The following NDUFV2 variants were observed in gnomAD, a reference collection of about 807,000 sequenced individuals.
NDUFV2 encodes the protein NADH dehydrogenase [ubiquinone] flavoprotein 2, mitochondrial.
Under a neutral mutation model 31.6 loss-of-function variants are expected in NDUFV2, and 18 were observed. That is an observed-to-expected ratio of 0.57 (90% confidence interval 0.39 to 0.84). The LOEUF (loss-of-function observed/expected upper bound fraction) is 0.84, where lower values mean the gene tolerates loss of function less well. Among genes scored for constraint, NDUFV2 ranks in the 40% least tolerant of loss-of-function variants. The pLI, the probability that NDUFV2 is intolerant of heterozygous loss-of-function variation, is 0.00. For missense variants in NDUFV2, 314 were observed against 303.6 expected (o/e 1.03, Z -0.26); for synonymous variants, 83 against 99.8 (o/e 0.83, Z 1.01).
At chr18:9,122,826 C>A in intron 5 of NDUFV2, 145 bp downstream of exon 5, 3 of 795,684 alleles carry the variant, frequency 3.8e-6, no homozygotes, top group South Asian at 3.3e-5. Context: ...TGTGTTTCCA[C>A]ATCTTTATTT....
At chr18:9,106,001 C>G (rs538240072) in intron 1 of NDUFV2, among the ~76,000 whole-genome samples, 9 of 152,242 alleles carry the variant, frequency 5.9e-5, no homozygotes, top group Admixed American at 5.9e-4. Context: ...TGTAGAGGCT[C>G]TAGATCCTGT....
chr18:9,124,038 T>G (rs1264715646), intron 5 of NDUFV2, among the ~76,000 whole-genome samples: 1 of 152,158 alleles, frequency 6.6e-6, no homozygotes, highest in Non-Finnish European at 1.5e-5. Context: ...TTTTAGTAGT[T>G]TAATTATTAC....
intron 1 of NDUFV2, chr18:9,115,859 CA>C (rs759253640): frequency 0.01 from 1,340 of 129,498 alleles, 11 homozygotes; most frequent in African/African-American, 0.027. Flanking sequence ...ACTCCGTCTC[CA>C]AAAAAAAAAA....
intron 1 of NDUFV2, chr18:9,112,769 C>T (rs2077878144): frequency 6.6e-6 from 1 of 152,240 alleles, no homozygotes; most frequent in African/African-American, 2.4e-5. Flanking sequence ...CAGGCATGAG[C>T]CACTGTACCC....
intron 4 of NDUFV2, among the ~76,000 whole-genome samples, chr18:9,121,902 TAGA>T (rs1308775745): frequency 6.6e-6 from 1 of 152,204 alleles, no homozygotes; most frequent in African/African-American, 2.4e-5. Context: ...TGATATGAAA[TAGA>T]AGTAGTGTGC....
At chr18:9,122,742 T>C in intron 5 of NDUFV2, 61 bp downstream of exon 5, 3 of 1,562,348 alleles carry the variant, frequency 1.9e-6, no homozygotes, top group Non-Finnish European at 2.6e-6. Context: ...CTAGATTTGG[T>C]ACATTTCTAT....
At chr18:9,125,463 G>A (rs1271925305) in intron 6 of NDUFV2, among the ~76,000 whole-genome samples, 1 of 151,858 alleles carries the variant, frequency 6.6e-6, no homozygotes, top group Admixed American at 6.6e-5. Context: ...ATTTTATAGA[G>A]ATGGTATCAT....
chr18:9,105,004 C>G (rs1023618788), intron 1 of NDUFV2: 1 of 1,519,424 alleles, frequency 6.6e-7, no homozygotes, highest in African/African-American at 1.4e-5. Flanking sequence ...TGGTAGCCTG[C>G]TCTTTTGTAA....
chr18:9,104,946 C>T (rs942686355), intron 1 of NDUFV2: 1 of 1,551,376 alleles, frequency 6.4e-7, no homozygotes, highest in African/African-American at 1.3e-5. Context: ...CATAACAGAC[C>T]TTACAGACAA....
At position 9,134,283 on chromosome 18, in the gene NDUFV2, A is replaced by T. The variant is rs2078065580; in HGVS notation, c.*4A>T. ...TGGTGTACAAGCAGGCCTTTAATTT[A>T]TATTGAACTGTAAATATGTCACTAG... On this transcript the variant is annotated 3_prime_UTR_variant, in exon 8 of 8. Coordinates refer to ENST00000318388, the MANE Select transcript of NDUFV2 (RefSeq NM_021074.5). 1 of 1,595,664 alleles carries T rather than the reference A, an allele frequency of 6.3e-7. No individual in the cohort carries two copies. Among genetic ancestry groups the T allele is most frequent in the South Asian group, 1.1e-5 (1 of 90,594 alleles).
intron 1 of NDUFV2, among the ~76,000 whole-genome samples, chr18:9,105,715 CGAG>C (rs1240382665): frequency 7.9e-5 from 12 of 152,126 alleles, no homozygotes; most frequent in Admixed American, 7.9e-4. Flanking sequence ...TGGACTTAAT[CGAG>C]GAGCATGCTG....
At chr18:9,117,418 A>G (rs370327964) in intron 1 of NDUFV2, 1 of 176,476 alleles carries the variant, frequency 5.7e-6, no homozygotes, top group Non-Finnish European at 1.2e-5. Context: ...ACTCATTTGT[A>G]CAGAGTATAT....
rs1316544400 is a variant in NDUFV2, at chr18:9,122,601, A to G, written c.389A>G (p.Tyr130Cys). The G allele has an allele frequency of 6.2e-7, 1 of 1,613,958 alleles. No homozygotes were observed. Among genetic ancestry groups the G allele is most frequent in the Non-Finnish European group, 8.5e-7 (1 of 1,179,950 alleles). The change falls in exon 5 of 8, where the codon TAT becomes TGT. Residue 130 changes from tyrosine to cysteine, a missense_variant. Tyr to Cys is a radical substitution (Grantham distance 194, BLOSUM62 -2). Transcript: ENST00000318388. ...TMYNRKPVGK[Y>C]HIQVCTTTPC... ...TATAATCGAAAGCCAGTTGGAAAGT[A>G]TCACATTCAGGTCTGCACTACTACA...
intron 7 of NDUFV2, among the ~76,000 whole-genome samples, chr18:9,129,236 C>T (rs189128256): frequency 4.6e-5 from 7 of 152,238 alleles, no homozygotes; most frequent in South Asian, 2.1e-4. Context: ...CCACCACGCC[C>T]GGCCACTTTG....
chr18:9,102,710 G>C lies in NDUFV2; in HGVS notation c.-34G>C. 2 of 1,570,190 alleles carry C rather than the reference G, an allele frequency of 1.3e-6. No individual in the cohort carries two copies. The highest frequency in any genetic ancestry group is 2.4e-5 in the East Asian group (1 of 41,880). On this transcript the variant is annotated 5_prime_UTR_variant, in exon 1 of 8. Transcript: ENST00000318388. ...TGGGCGCGCTCGGGATTCTCGCCTG[G>C]CGCGGCTGGGGAAGGTGAACAGTGT...
intron 7 of NDUFV2, among the ~76,000 whole-genome samples, chr18:9,131,362 T>C (rs1019960199): frequency 2.0e-5 from 3 of 152,328 alleles, no homozygotes; most frequent in Non-Finnish European, 2.9e-5. Context: ...TTGACATTAC[T>C]AAATATTTTT....
chr18:9,109,843 G>A (rs989278034), intron 1 of NDUFV2, among the ~76,000 whole-genome samples: 1 of 152,046 alleles, frequency 6.6e-6, no homozygotes, highest in Non-Finnish European at 1.5e-5. Flanking sequence ...TGACTCCAAC[G>A]AAAAGGCAGT....
chr18:9,109,785 GA>G (rs2077860709), intron 1 of NDUFV2, among the ~76,000 whole-genome samples: 1 of 151,834 alleles, frequency 6.6e-6, no homozygotes, highest in African/African-American at 2.4e-5. Flanking sequence ...AGGAATCGAC[GA>G]AAAAAAGTAT....
intron 2 of NDUFV2, among the ~76,000 whole-genome samples, chr18:9,118,884 C>G (rs936597231): frequency 3.7e-4 from 51 of 139,144 alleles, no homozygotes; most frequent in African/African-American, 1.3e-3. Flanking sequence ...GGTCTTAACC[C>G]TTTTGGATCC....
Sources: allele counts gnomAD v4.1 joint callset (sites outside exome capture counted in the v4.1 genomes callset), GRCh38; gene constraint gnomAD v4.1.1; transcripts MANE v1.5; gene names NCBI Gene and HGNC (gene_info 2026-07-23, HGNC 2026-07-21).